CRACD: variants seen among roughly 807,000 people sequenced by gnomAD.
CRACD encodes the protein capping protein-inhibiting regulator of actin dynamics.
In CRACD, 56 loss-of-function variants were observed where a neutral mutation model predicts 106.8. That is an observed-to-expected ratio of 0.52 (90% CI 0.42 to 0.66). CRACD has a LOEUF of 0.66. Among genes scored for constraint, CRACD ranks in the 30% least tolerant of loss-of-function variants. CRACD has a pLI of 0.00. For missense variants in CRACD, 1,730 were observed against 1,623.2 expected, an observed-to-expected ratio of 1.07 and a Z score of -1.13; for synonymous variants, 754 against 670.8, an observed-to-expected ratio of 1.12 and a Z score of -1.92.
rs767580600 is a variant in CRACD at position 56,316,642 on chromosome 4, C to T, written c.3140C>T (p.Ala1047Val). Residue 1047 changes from alanine to valine, a missense_variant, in exon 8 of 11, where the codon GCC becomes GTC. Ala to Val is a moderately conservative substitution (Grantham distance 64, BLOSUM62 0). Coordinates refer to ENST00000682029, the MANE Select transcript of CRACD (RefSeq NM_001393381.1). ...AAACCTGCTTCCCCACCTCTGCCTG[C>T]CACTCAGCAAGAGAAACCTTCTCAA... ...ERKPASPPLP[A>V]TQQEKPSQTP... 6.2e-7 allele frequency: 1 copy of T among 1,613,180 alleles called. No homozygotes were observed. The highest frequency in any genetic ancestry group is 1.7e-5 in the Admixed American group (1 of 60,010).
chr4:56,145,080 G>A (rs143084717), intron 1 of CRACD, among the ~76,000 whole-genome samples: 43 of 152,122 alleles, frequency 2.8e-4, no homozygotes, highest in East Asian at 7.7e-4. Context: ...GAGCCACTGC[G>A]CCTGGCCACC....
intron 2 of CRACD, among the ~76,000 whole-genome samples, chr4:56,193,590 G>A (rs907761752): frequency 2.6e-5 from 4 of 152,178 alleles, no homozygotes; most frequent in Admixed American, 6.5e-5. Context: ...AATGCAGTAT[G>A]AGTAGAGAAT....
intron 2 of CRACD, among the ~76,000 whole-genome samples, chr4:56,186,496 C>G (rs549297073): frequency 6.6e-6 from 1 of 152,240 alleles, no homozygotes; most frequent in African/African-American, 2.4e-5. Context: ...TTTAGAGTAA[C>G]TAGTTTGACA....
In CRACD at chr4:56,315,884, C is replaced by T. The variant is rs764293492; in HGVS notation, c.2382C>T (p.Asp794=). ...CCGAGGGATGCAAATTTGCCAAAGACCTCCCGTCTTTCCTTGTCCCAAGCC... is the reference window on the plus strand; with the variant it reads ...CCGAGGGATGCAAATTTGCCAAAGATCTCCCGTCTTTCCTTGTCCCAAGCC... ...DTTEGCKFAK[D]LPSFLVPSLP... Residue 794 remains aspartate (D), a synonymous_variant, in exon 8 of 11, where the codon GAC becomes GAT. Transcript: ENST00000682029. This position sits in a 1 kb window ranked among gnomAD's most constrained non-coding sequence, Gnocchi z 4.1. 1.2e-6 allele frequency: 2 copies of T among 1,614,186 alleles called. No homozygotes were observed. Among genetic ancestry groups the T allele is most frequent in the Non-Finnish European group, 1.7e-6 (2 of 1,180,030 alleles).
intron 4 of CRACD, among the ~76,000 whole-genome samples, chr4:56,302,301 A>G (rs1744414480): frequency 6.6e-6 from 1 of 152,200 alleles, no homozygotes. Context: ...TGGATCAGGG[A>G]GGGTGCCTGT....
intron 1 of CRACD, among the ~76,000 whole-genome samples, chr4:56,054,660 C>G (rs527334179): frequency 4.0e-4 from 61 of 152,232 alleles, no homozygotes; most frequent in African/African-American, 1.4e-3. Flanking sequence ...TAAAGAAATA[C>G]ATATTAAGTA....
chr4:56,310,269 T>A (rs1371280346), intron 5 of CRACD, among the ~76,000 whole-genome samples: 1 of 152,054 alleles, frequency 6.6e-6, no homozygotes, highest in Non-Finnish European at 1.5e-5. Context: ...GGGGGAGGTG[T>A]GGCTGGAGAA....
At chr4:56,297,537 C>T (rs480114) in intron 3 of CRACD, among the ~76,000 whole-genome samples, 80,277 of 151,878 alleles carry the variant, frequency 0.53, 22,226 homozygotes, top group African/African-American at 0.67. Context: ...CATGATCACA[C>T]CACTGCACTC....
At chr4:56,058,093 A>AT (rs1732149458) in intron 1 of CRACD, among the ~76,000 whole-genome samples, 1 of 150,986 alleles carries the variant, frequency 6.6e-6, no homozygotes, top group Non-Finnish European at 1.5e-5. Context: ...AAGTGCTAGG[A>AT]TTACAGGCAT....
intron 3 of CRACD, among the ~76,000 whole-genome samples, chr4:56,289,183 G>T (rs540526172): frequency 5.9e-5 from 9 of 152,258 alleles, no homozygotes; most frequent in African/African-American, 2.2e-4. Context: ...GGTTCTAAAA[G>T]TTGATAGTGC....
intron 1 of CRACD, among the ~76,000 whole-genome samples, chr4:56,067,768 G>T (rs2109792633): frequency 6.6e-6 from 1 of 152,186 alleles, no homozygotes; most frequent in East Asian, 1.9e-4. Flanking sequence ...TAGAGATGGG[G>T]TTTCACCATG....
rs149612849 is a variant in CRACD, at chr4:56,108,867, C to T, written c.-336+59568C>T. On this transcript the variant is annotated intron_variant, in intron 1 of 10. Transcript: ENST00000682029. ...CTTCTATCTACTACGAACTTCAAAG[C>T]GGAACCAGGAGTACGAGAGGAACAT... Among the ~76,000 whole-genome samples, 645 of 152,288 alleles carry T rather than the reference C, an allele frequency of 4.2e-3. 5 individuals are homozygous for T. The highest frequency in any genetic ancestry group is 0.015 in the African/African-American group (611 of 41,550).
chr4:56,091,998 C>A (rs1733438389), intron 1 of CRACD, among the ~76,000 whole-genome samples: 1 of 152,060 alleles, frequency 6.6e-6, no homozygotes, highest in South Asian at 2.1e-4. Flanking sequence ...GCCAAGGCAA[C>A]ATAGTAAGAC....
intron 1 of CRACD, among the ~76,000 whole-genome samples, chr4:56,062,958 C>A (rs113448539): frequency 6.6e-6 from 1 of 152,072 alleles, no homozygotes; most frequent in African/African-American, 2.4e-5. Context: ...CAGTCCCTGT[C>A]GTAATGTGAT....
At chr4:56,222,687 T>G (rs2109516459) in intron 2 of CRACD, among the ~76,000 whole-genome samples, 1 of 152,240 alleles carries the variant, frequency 6.6e-6, no homozygotes, top group South Asian at 2.1e-4. Flanking sequence ...GAGTCATCCC[T>G]GTAATCCCAG....
chr4:56,254,776 C>T (rs1215150594), intron 2 of CRACD, among the ~76,000 whole-genome samples: 2 of 151,192 alleles, frequency 1.3e-5, no homozygotes, highest in Non-Finnish European at 2.9e-5. Context: ...TTTTATCCAG[C>T]AGGAACTATT....
At chr4:56,254,476 C>A (rs1045123477) in intron 2 of CRACD, among the ~76,000 whole-genome samples, 4 of 151,514 alleles carry the variant, frequency 2.6e-5, no homozygotes, top group African/African-American at 9.7e-5. Flanking sequence ...AAGGCGACTT[C>A]TTATTATTTT....
chr4:56,279,609 A>G (rs1742898178), intron 3 of CRACD, among the ~76,000 whole-genome samples: 1 of 152,202 alleles, frequency 6.6e-6, no homozygotes, highest in Non-Finnish European at 1.5e-5. Flanking sequence ...ATCTCACACC[A>G]GTTAGAATGG....
At chr4:56,070,286 T>A (rs1302598116) in intron 1 of CRACD, among the ~76,000 whole-genome samples, 1 of 149,106 alleles carries the variant, frequency 6.7e-6, no homozygotes, top group Non-Finnish European at 1.5e-5. Flanking sequence ...TCTCTCCCTA[T>A]CTGAGTCCTT....
Sources: allele counts gnomAD v4.1 joint callset (sites outside exome capture counted in the v4.1 genomes callset), GRCh38; gene constraint gnomAD v4.1.1; non-coding constraint Gnocchi (gnomAD v3.1); transcripts MANE v1.5; gene names NCBI Gene and HGNC (gene_info 2026-07-23, HGNC 2026-07-21).